The following WNK2 variants were observed in gnomAD, a reference collection of about 807,000 sequenced individuals.
WNK2 encodes the protein WNK lysine deficient protein kinase 2, also known as serine/threonine-protein kinase WNK2.
Under a neutral mutation model 192.1 loss-of-function variants are expected in WNK2, and 67 were observed. The ratio of observed to expected loss-of-function variants is 0.35; its 90% CI spans 0.29 to 0.43. WNK2 has a LOEUF of 0.43. Among genes scored for constraint, WNK2 ranks in the 20% least tolerant of loss-of-function variants. The pLI, the probability that WNK2 is intolerant of heterozygous loss-of-function variation, is 1.00. For synonymous variants in WNK2, 1,439 were observed against 1,393.9 expected (o/e 1.03, Z -0.72); for missense variants, 2,698 against 3,089.7 (o/e 0.87, Z 3.01).
At position 93,185,464 on chromosome 9, in the gene WNK2, G is replaced by T; in HGVS notation, c.535G>T (p.Asp179Tyr). The T allele has an allele frequency of 6.2e-7, 1 of 1,612,386 alleles. No individual in the cohort carries two copies. Among genetic ancestry groups the T allele is most frequent in the Non-Finnish European group, 8.5e-7 (1 of 1,179,718 alleles). Residue 179 changes from aspartate to tyrosine, a missense_variant, in exon 2 of 30, where the codon GAC (aspartate) becomes TAC (tyrosine). By Grantham distance (160) the Asp-to-Tyr change is radical. This residue lies in a region of WNK2 where 260 missense variants were observed against 285.6 expected (regional missense o/e 0.91). Coordinates refer to ENST00000427277, the MANE Select transcript of WNK2 (RefSeq NM_006648.4). ...GGACGAGCCCGAAGAGGAGGAGGAC[G>T]ACGAGGACGACCTCAAGGCCGTGGC... Reference protein sequence around the residue: ...RRDEPEEEEDDEDDLKAVATS... With the variant: ...RRDEPEEEEDYEDDLKAVATS...
At chr9:93,276,505 T>C (rs763670779) in intron 19 of WNK2, among the ~76,000 whole-genome samples, 3 of 152,210 alleles carry the variant, frequency 2.0e-5, no homozygotes, top group Non-Finnish European at 4.4e-5. Context: ...GAAAAATCAT[T>C]TTTGATCTGT....
chr9:93,234,436 G>A (rs959919873), intron 4 of WNK2, among the ~76,000 whole-genome samples: 4 of 152,154 alleles, frequency 2.6e-5, no homozygotes, highest in African/African-American at 7.2e-5. Flanking sequence ...ACGTGGCTGC[G>A]GCCGAGCCTG....
chr9:93,299,148 C>T lies in WNK2; in HGVS notation c.6002C>T (p.Thr2001Met), dbSNP rs1389873173. ...QASVGLTADS[T>M]GLSGKAVQTQ... ...AGTGTGGGGCTCACTGCAGACAGCACGGGCCTGAGCGGGAAGGCAGTGCAG... is the reference window on the plus strand; with the variant it reads ...AGTGTGGGGCTCACTGCAGACAGCATGGGCCTGAGCGGGAAGGCAGTGCAG... The change falls in exon 25 of 30, where the codon ACG becomes ATG. Residue 2001 changes from threonine to methionine, a missense_variant. Around this residue, in one of 7 missense-constraint regions of WNK2, gnomAD observed 1,098 missense variants for 1,101.0 expected, o/e 1.00. Coordinates refer to ENST00000427277, the MANE Select transcript of WNK2 (RefSeq NM_006648.4). 18 of 1,611,532 alleles carry T rather than the reference C, an allele frequency of 1.1e-5. No individual in the cohort carries two copies. Among genetic ancestry groups the T allele is most frequent in the Middle Eastern group, 3.3e-4 (2 of 5,978 alleles).
intron 16 of WNK2, among the ~76,000 whole-genome samples, chr9:93,264,600 T>G (rs1844865326): frequency 6.6e-6 from 1 of 152,216 alleles, no homozygotes; most frequent in Non-Finnish European, 1.5e-5. Flanking sequence ...GGGATCGTTT[T>G]CGGGCCCTCA....
rs906901030 is a variant in WNK2, at chr9:93,257,489, C to T, written c.2382+350C>T. ...GGTCCTTCAGGGAGGGCGGGCAGCCCAGTACCCCATCACCTGGCACCCTCC... is the reference window on the plus strand; with the variant it reads ...GGTCCTTCAGGGAGGGCGGGCAGCCTAGTACCCCATCACCTGGCACCCTCC... On this transcript the variant is annotated intron_variant, in intron 11 of 29. Coordinates refer to ENST00000427277, the MANE Select transcript of WNK2 (RefSeq NM_006648.4). The surrounding 1 kb of genome is among the most constrained non-coding windows in gnomAD (Gnocchi z 4.7). 1.3e-5 allele frequency among the ~76,000 whole-genome samples: 2 copies of T among 152,178 alleles called. No homozygotes were observed. The highest frequency in any genetic ancestry group is 2.9e-5 in the Non-Finnish European group (2 of 68,010).
chr9:93,218,347 G>A (rs940010837), intron 2 of WNK2, among the ~76,000 whole-genome samples: 12 of 152,200 alleles, frequency 7.9e-5, no homozygotes, highest in African/African-American at 2.9e-4. Context: ...GTGTCCCTGC[G>A]GGAAGTGGCC....
At chr9:93,306,645 C>T (rs1462500108) in intron 26 of WNK2, 132 bp from the exon 27 acceptor site, 2 of 1,199,182 alleles carry the variant, frequency 1.7e-6, no homozygotes, top group East Asian at 2.3e-5. Flanking sequence ...CGGGTCGGCC[C>T]TCTCTCTGAA....
At position 93,215,968 on chromosome 9, in the gene WNK2, C is replaced by T. The variant is rs114804352; in HGVS notation, c.682-13728C>T. The stretch of plus-strand genomic sequence containing the variant: ...CTTTCACTAGAGATTTACTTTTTAC[C>T]GCCTCTAGTAGGCAGCAGAATAAGA... On this transcript the variant is annotated intron_variant, in intron 2 of 29. Transcript: ENST00000427277. Among the ~76,000 whole-genome samples the T allele has an allele frequency of 6.9e-3, 1,049 of 152,138 alleles. 13 individuals carry two copies. The highest frequency in any genetic ancestry group is 0.023 in the African/African-American group (942 of 41,506).
At chr9:93,258,205 C>T (rs544428756) in intron 11 of WNK2, among the ~76,000 whole-genome samples, 56 of 152,268 alleles carry the variant, frequency 3.7e-4, no homozygotes, top group Non-Finnish European at 6.2e-4. Flanking sequence ...CCAGCATGCA[C>T]GAGAAGGCTG....
chr9:93,185,429 G>A lies in WNK2; in HGVS notation c.500G>A (p.Arg167His), dbSNP rs758903287. The A allele has an allele frequency of 6.8e-6, 11 of 1,611,314 alleles. No homozygotes were observed. The highest frequency in any genetic ancestry group is 5.5e-5 in the South Asian group (5 of 90,914). ...GCCGAGGCGAAGCCTGAGCCCGGGCGCACTCGCCGGGACGAGCCCGAAGAG... is the reference window on the plus strand; with the variant it reads ...GCCGAGGCGAAGCCTGAGCCCGGGCACACTCGCCGGGACGAGCCCGAAGAG... ...GAAEAKPEPGRTRRDEPEEEE... is the reference protein window; with the variant it reads ...GAAEAKPEPGHTRRDEPEEEE... Residue 167 changes from arginine to histidine, a missense_variant, in exon 2 of 30, where the codon CGC (arginine) becomes CAC (histidine). By Grantham distance (29) the Arg-to-His change is conservative. Transcript: ENST00000427277.
intron 11 of WNK2, among the ~76,000 whole-genome samples, 159 bp from the exon 12 acceptor site, chr9:93,258,772 C>A (rs1415843125): frequency 6.6e-6 from 1 of 152,114 alleles, no homozygotes; most frequent in Non-Finnish European, 1.5e-5. Flanking sequence ...GGGTTCCCTT[C>A]AACAGCAGCT....
rs1354899315 is a variant in WNK2 at position 93,256,429 on chromosome 9, G to A, written c.2165G>A (p.Gly722Asp). 2.0e-6 allele frequency: 3 copies of A among 1,534,884 alleles called. No individual in the cohort carries two copies. Among genetic ancestry groups the A allele is most frequent in the Non-Finnish European group, 2.6e-6 (3 of 1,146,004 alleles). Residue 722 changes from glycine (G) to aspartate (D), a missense_variant, in exon 10 of 30, where the codon GGC (glycine) becomes GAC (aspartate). Coordinates refer to ENST00000427277, the MANE Select transcript of WNK2 (RefSeq NM_006648.4). ...PPSTPMPTGPGQPAPPGQQPP... is the reference protein window; with the variant it reads ...PPSTPMPTGPDQPAPPGQQPP... ...AGCACCCCCATGCCCACGGGCCCAG[G>A]CCAGCCAGCACCCCCCGGCCAGCAG...
intron 2 of WNK2, among the ~76,000 whole-genome samples, chr9:93,193,242 T>C (rs948237197): frequency 8.5e-5 from 13 of 152,300 alleles, no homozygotes; most frequent in African/African-American, 3.1e-4. Context: ...CCCTGCCATG[T>C]TCCCAGTGCG....
At chr9:93,213,189 A>T (rs764195787) in intron 2 of WNK2, among the ~76,000 whole-genome samples, 2 of 152,178 alleles carry the variant, frequency 1.3e-5, no homozygotes, top group African/African-American at 2.4e-5. Flanking sequence ...TGCTTCTGCA[A>T]TGGGCACATC....
intron 14 of WNK2, 90 bp from the exon 15 acceptor site, chr9:93,263,476 C>A: frequency 6.6e-7 from 1 of 1,516,266 alleles, no homozygotes; most frequent in South Asian, 1.2e-5. Flanking sequence ...CCTGGAGACT[C>A]CAGACTGTTC....
At chr9:93,240,170 A>G (rs758803209) in intron 7 of WNK2, among the ~76,000 whole-genome samples, 194 bp downstream of exon 7, 4 of 152,146 alleles carry the variant, frequency 2.6e-5, no homozygotes, top group Admixed American at 6.5e-5. Flanking sequence ...GGGTCTGCAC[A>G]GGGGTGGCCT....
At chr9:93,253,276 C>T (rs549347146) in intron 9 of WNK2, among the ~76,000 whole-genome samples, 194 bp downstream of exon 9, 3 of 152,198 alleles carry the variant, frequency 2.0e-5, no homozygotes, top group South Asian at 2.1e-4. Flanking sequence ...AGGAAAGCCC[C>T]GTCCTTGCTG....
rs2132497200 is a variant in WNK2 at position 93,247,414 on chromosome 9, T to C, written c.1543-129T>C. ...CTGAGCTGTCCCCGCGGATTTTACATTCAGTGGCAGTGGGATGGCGAGCGT... is the reference window on the plus strand; with the variant it reads ...CTGAGCTGTCCCCGCGGATTTTACACTCAGTGGCAGTGGGATGGCGAGCGT... On this transcript the variant is annotated intron_variant, in intron 7 of 29. Transcript: ENST00000427277. This position sits in a 1 kb window ranked among gnomAD's most constrained non-coding sequence, Gnocchi z 5.2. The C allele has an allele frequency of 1.8e-6, 2 of 1,133,950 alleles. No homozygotes were observed. The highest frequency in any genetic ancestry group is 2.5e-6 in the Non-Finnish European group (2 of 788,608). The allele number at this position is 1,133,950 out of a possible 1,614,324, so 70.2% of individuals were successfully genotyped here. A position where few individuals can be genotyped will look rare whatever the true frequency, so the allele number is the denominator to read the frequency against.
At position 93,306,794 on chromosome 9, in the gene WNK2, C is replaced by T. The variant is rs1436753611; in HGVS notation, c.6232C>T (p.Leu2078Phe). The change falls in exon 27 of 30, where the codon CTC becomes TTC. Residue 2078 changes from leucine to phenylalanine, a missense_variant. Transcript: ENST00000427277. ...SVSIWSALKR[L>F]CLGKEHSSRS... ...CCTTGCAGGGTCTGCCCTGAAGCGT[C>T]TCTGCCTAGGCAAAGAACACAGCAG... 4 of 1,613,966 alleles carry T rather than the reference C, an allele frequency of 2.5e-6. No individual in the cohort carries two copies. The South Asian group carries it at 3.3e-5, about 13-fold the overall frequency.
Sources: gnomAD v4.1 joint callset for allele counts (sites outside exome capture counted in the v4.1 genomes callset) on GRCh38, gnomAD v4.1.1 for gene constraint, gnomAD v4.1.1 regional missense constraint, Gnocchi (gnomAD v3.1) non-coding constraint, MANE v1.5 for transcripts, NCBI Gene and HGNC (gene_info 2026-07-23, HGNC 2026-07-21) for gene names.